ENTREP2: variants seen among roughly 807,000 people sequenced by gnomAD.
ENTREP2 encodes the protein endosomal transmembrane epsin interactor 2.
chr15:29,473,173 T>G, the ENTREP2 span, among the ~76,000 whole-genome samples: 1 of 152,032 alleles, frequency 6.6e-6, no homozygotes, highest in Non-Finnish European at 1.5e-5. Context: ...GTGGCCCAGC[T>G]TCACCCTATG....
the ENTREP2 span, among the ~76,000 whole-genome samples, chr15:29,400,244 T>C: frequency 6.6e-6 from 1 of 152,146 alleles, no homozygotes; most frequent in South Asian, 2.1e-4. Flanking sequence ...CTTTCCTACA[T>C]ATGTGCAAGC....
At chr15:29,136,435 G>A in the ENTREP2 span, 204 of 1,546,838 alleles carry the variant, frequency 1.3e-4, no homozygotes, top group Non-Finnish European at 1.5e-4. Flanking sequence ...AGAGCAGGCC[G>A]GGGCTATTGA....
the ENTREP2 span, among the ~76,000 whole-genome samples, chr15:29,478,023 T>TTATATATATATATATATATA: frequency 8.8e-6 from 1 of 114,148 alleles, no homozygotes; most frequent in Non-Finnish European, 1.7e-5. Context: ...ATATATATTT[T>TTATATATATATATATATATA]TTTTTTTTTT....
chr15:29,473,794 G>T, the ENTREP2 span, among the ~76,000 whole-genome samples: 1 of 152,184 alleles, frequency 6.6e-6, no homozygotes, highest in African/African-American at 2.4e-5. Context: ...TGACCTCAGG[G>T]CCCCGGCCGC....
the ENTREP2 span, among the ~76,000 whole-genome samples, chr15:29,462,430 G>A: frequency 1.3e-5 from 2 of 151,970 alleles, no homozygotes; most frequent in African/African-American, 4.8e-5. Flanking sequence ...CTAACATGGT[G>A]AAACCCCGTT....
chr15:29,621,066 T>C, the ENTREP2 span, among the ~76,000 whole-genome samples: 1 of 151,908 alleles, frequency 6.6e-6, no homozygotes, highest in Admixed American at 6.6e-5. Context: ...ATTTGAGAAA[T>C]GGCGCTGGCA....
At chr15:29,159,312 C>G in the ENTREP2 span, among the ~76,000 whole-genome samples, 9 of 152,018 alleles carry the variant, frequency 5.9e-5, no homozygotes, top group African/African-American at 2.2e-4. Flanking sequence ...CTCGCTGGCT[C>G]CAGGAGTGAA....
the ENTREP2 span, among the ~76,000 whole-genome samples, chr15:29,217,147 G>A: frequency 1.3e-5 from 2 of 152,176 alleles, no homozygotes; most frequent in African/African-American, 2.4e-5. Flanking sequence ...GGCTTGGGGC[G>A]TTATCAATCA....
chr15:29,271,825 C>T, the ENTREP2 span, among the ~76,000 whole-genome samples: 282 of 152,228 alleles, frequency 1.9e-3, 1 homozygote, highest in African/African-American at 6.5e-3. Context: ...TTGTGCAACT[C>T]GGTGTCTGAG....
the ENTREP2 span, among the ~76,000 whole-genome samples, chr15:29,447,031 C>T: frequency 6.6e-6 from 1 of 152,188 alleles, no homozygotes; most frequent in African/African-American, 2.4e-5. Flanking sequence ...CCCTTTACCA[C>T]ATAACCTAAC....
the ENTREP2 span, among the ~76,000 whole-genome samples, chr15:29,349,862 TGCACTCCAGCGTGGGTGACAGAGCG>T: frequency 6.6e-6 from 1 of 152,148 alleles, no homozygotes; most frequent in African/African-American, 2.4e-5. Context: ...AGCACCACTC[TGCACTCCAGCGTGGGTGACAGAGCG>T]AGACTCTGTC....
chr15:29,481,880 G>A, the ENTREP2 span, among the ~76,000 whole-genome samples: 17 of 152,196 alleles, frequency 1.1e-4, no homozygotes, highest in East Asian at 2.3e-3. Context: ...TTATTATTTA[G>A]GGCAGATTTT....
the ENTREP2 span, among the ~76,000 whole-genome samples, chr15:29,432,135 C>G: frequency 2.6e-5 from 4 of 152,202 alleles, no homozygotes; most frequent in African/African-American, 9.7e-5. Flanking sequence ...GACATGTTCT[C>G]TCAACTCATG....
chr15:29,176,878 G>T, the ENTREP2 span, among the ~76,000 whole-genome samples: 1 of 152,190 alleles, frequency 6.6e-6, no homozygotes, highest in South Asian at 2.1e-4. Context: ...TGCCCTCTCT[G>T]GGCCTGGCTC....
chr15:29,617,172 C>T, the ENTREP2 span, among the ~76,000 whole-genome samples: 8 of 152,142 alleles, frequency 5.3e-5, no homozygotes, highest in African/African-American at 9.7e-5. Context: ...GCTGGAGGCC[C>T]GGGAAAGCCA....
chr15:29,438,828 C>T, the ENTREP2 span, among the ~76,000 whole-genome samples: 4 of 152,220 alleles, frequency 2.6e-5, no homozygotes, highest in Non-Finnish European at 1.5e-5. Context: ...GAAATGCATG[C>T]CATGAGACAG....
the ENTREP2 span, among the ~76,000 whole-genome samples, chr15:29,345,360 G>A: frequency 1.3e-5 from 2 of 152,064 alleles, no homozygotes; most frequent in African/African-American, 4.8e-5. Flanking sequence ...TGGGGCTAGC[G>A]GGGAGCAGAG....
At chr15:29,126,529 G>C in the ENTREP2 span, 2 of 1,524,864 alleles carry the variant, frequency 1.3e-6, no homozygotes, top group African/African-American at 2.8e-5. Context: ...GTGGGCGGCC[G>C]CAGGGGACGC....
the ENTREP2 span, among the ~76,000 whole-genome samples, chr15:29,155,064 C>G: frequency 6.6e-6 from 1 of 151,652 alleles, no homozygotes; most frequent in South Asian, 2.1e-4. Context: ...GGGTGGATCA[C>G]AAGGTCAGGA....
Sources: gnomAD v4.1 joint callset for allele counts (sites outside exome capture counted in the v4.1 genomes callset) on GRCh38, gnomAD v4.1.1 for gene constraint, MANE v1.5 for transcripts, NCBI Gene and HGNC (gene_info 2026-07-23, HGNC 2026-07-21) for gene names.